The following MDM4 variants were observed in gnomAD, a reference collection of about 807,000 sequenced individuals.
MDM4 encodes the protein protein Mdm4.
Under a neutral mutation model 60.2 loss-of-function variants are expected in MDM4, and 2 were observed. The observed-to-expected ratio is 0.03, with a 90% CI of 0.01 to 0.10. MDM4 has a LOEUF of 0.10. Among genes scored for constraint, MDM4 ranks in the 10% least tolerant of loss-of-function variants. MDM4 has a pLI of 1.00. For missense variants in MDM4, 447 were observed against 577.5 expected (o/e 0.77, Z 2.32); for synonymous variants, 202 against 198.1 (o/e 1.02, Z -0.17).
chr1:204,540,928 A>C (rs988989882), intron 7 of MDM4, among the ~76,000 whole-genome samples: 5 of 152,180 alleles, frequency 3.3e-5, no homozygotes, highest in Non-Finnish European at 5.9e-5. Flanking sequence ...GTTATGTCTG[A>C]GAAACTTTGG....
At chr1:204,534,357 C>G (rs1256602021) in intron 5 of MDM4, among the ~76,000 whole-genome samples, 1 of 152,194 alleles carries the variant, frequency 6.6e-6, no homozygotes, top group Non-Finnish European at 1.5e-5. Flanking sequence ...AATTGCTGAT[C>G]TACTTTTTCA....
chr1:204,537,572 C>A, intron 6 of MDM4, 75 bp downstream of exon 6: 3 of 1,014,684 alleles, frequency 3.0e-6, no homozygotes, highest in South Asian at 1.3e-5. Context: ...CTTGGACTCC[C>A]AAGACCTTTC....
In MDM4 at chr1:204,550,684, T is replaced by C. The variant is rs1432898244; in HGVS notation, c.*1002T>C. 1 of 169,190 alleles carries C rather than the reference T, an allele frequency of 5.9e-6. No homozygotes were observed. The highest frequency in any genetic ancestry group is 2.7e-5 in the African/African-American group (1 of 36,920). The allele number at this position is 169,190 out of a possible 1,614,324, so 10.5% of individuals were successfully genotyped here. A position where few individuals can be genotyped will look rare whatever the true frequency, so the allele number is the denominator to read the frequency against. ...CCAGCCTCAGCTTCCCTCACAGGCA[T>C]TCACTATCACTCCCAGCTAATTAAA... is the stretch of plus-strand genomic sequence containing the variant. On this transcript the variant is annotated 3_prime_UTR_variant, in exon 11 of 11. Coordinates refer to ENST00000367182, the MANE Select transcript of MDM4 (RefSeq NM_002393.5).
Position 204,538,322 on chromosome 1 carries a change from T to G in MDM4, c.511+14T>G. The G allele has an allele frequency of 7.3e-7, 1 of 1,368,488 alleles. No individual in the cohort carries two copies. Among genetic ancestry groups the G allele is most frequent in the Non-Finnish European group, 1.0e-6 (1 of 959,604 alleles). 84.8% of individuals were successfully genotyped at this position (1,368,488 alleles called of 1,614,324 possible). On this transcript the variant is annotated intron_variant, in intron 7 of 10. Coordinates refer to ENST00000367182, the MANE Select transcript of MDM4 (RefSeq NM_002393.5). ...ATTCTAGAGAAGGTATGTTTTGGAT[T>G]AAGGCTATATAGACTTTTGTTCTCT...
chr1:204,533,683 C>T (rs1390871389), intron 5 of MDM4, among the ~76,000 whole-genome samples: 1 of 152,160 alleles, frequency 6.6e-6, no homozygotes, highest in Non-Finnish European at 1.5e-5. Context: ...TGATAGTTTA[C>T]TGAACTGTCT....
At position 204,551,120 on chromosome 1, in the gene MDM4, G is replaced by T; in HGVS notation, c.*1438G>T. 1 of 189,612 alleles carries T rather than the reference G, an allele frequency of 5.3e-6. No homozygotes were observed. The highest frequency in any genetic ancestry group is 1.1e-5 in the Non-Finnish European group (1 of 90,404). 11.7% of individuals were successfully genotyped at this position (189,612 alleles called of 1,614,324 possible). ...TGCACTGGCACAATCACAGTTCACT[G>T]CAGCCTCGACCTCCCAGATCCAAGC... On this transcript the variant is annotated 3_prime_UTR_variant, in exon 11 of 11. Coordinates refer to ENST00000367182, the MANE Select transcript of MDM4 (RefSeq NM_002393.5).
rs1572531519 is a variant in MDM4 at position 204,550,385 on chromosome 1, G to A, written c.*703G>A. ...TCACTATGTTGCCCAGGCTGGTCTC[G>A]AACTCCTGGGCTCAAACAATCCTCC... On this transcript the variant is annotated 3_prime_UTR_variant, in exon 11 of 11. Transcript: ENST00000367182. 1 of 209,994 alleles carries A rather than the reference G, an allele frequency of 4.8e-6. No individual in the cohort carries two copies. The highest frequency in any genetic ancestry group is 9.7e-6 in the Non-Finnish European group (1 of 103,416). The allele number at this position is 209,994 out of a possible 1,614,324, so 13.0% of individuals were successfully genotyped here.
chr1:204,528,522 T>C (rs981496480), intron 3 of MDM4, among the ~76,000 whole-genome samples: 1 of 152,168 alleles, frequency 6.6e-6, no homozygotes, highest in African/African-American at 2.4e-5. Context: ...CTCAGCTGAC[T>C]GGACACTAAC....
chr1:204,532,644 A>G (rs2102363052), intron 5 of MDM4: 1 of 887,848 alleles, frequency 1.1e-6, no homozygotes, highest in Non-Finnish European at 1.7e-6. Context: ...AATACCTTGT[A>G]TTTTTGTCTT....
At chr1:204,546,680 T>C in intron 9 of MDM4, 117 bp from the exon 10 acceptor site, 1 of 659,684 alleles carries the variant, frequency 1.5e-6, no homozygotes, top group East Asian at 2.8e-5. Context: ...CCTTAAGTGC[T>C]AGAGATGGGA....
At position 204,551,954 on chromosome 1, in the gene MDM4, C is replaced by CT. The variant is rs1012688691; in HGVS notation, c.*2273dup. Reference sequence around the variant, plus strand: ...TGTCTTGGACCACACATAAAATACACTAACACTAACAATAGCTGATGAGCT... The same window carrying CT: ...TGTCTTGGACCACACATAAAATACACTTAACACTAACAATAGCTGATGAGCT... On this transcript the variant is annotated 3_prime_UTR_variant, in exon 11 of 11. Transcript: ENST00000367182. 5.9e-6 allele frequency: 1 copy of CT among 170,288 alleles called. No individual in the cohort carries two copies. The highest frequency in any genetic ancestry group is 2.5e-5 in the African/African-American group (1 of 39,334). 10.5% of individuals were successfully genotyped at this position (170,288 alleles called of 1,614,324 possible).
chr1:204,525,033 T>C (rs1659978700), intron 1 of MDM4, among the ~76,000 whole-genome samples: 1 of 152,242 alleles, frequency 6.6e-6, no homozygotes, highest in African/African-American at 2.4e-5. Context: ...TAACTTTCTA[T>C]GGTCCTTTGT....
rs1418926249 is a variant in MDM4, at chr1:204,556,983, C to G, written c.*7301C>G. ...GTAGAGTTAAGTATTGAGTGCCAGTCTTGACGTCCGTATGCCTCAGTTTTT... is the reference window on the plus strand; with the variant it reads ...GTAGAGTTAAGTATTGAGTGCCAGTGTTGACGTCCGTATGCCTCAGTTTTT... On this transcript the variant is annotated 3_prime_UTR_variant, in exon 11 of 11. Transcript: ENST00000367182. 4.8e-6 allele frequency: 1 copy of G among 207,804 alleles called. No homozygotes were observed. The highest frequency in any genetic ancestry group is 2.3e-5 in the African/African-American group (1 of 43,856). The allele number at this position is 207,804 out of a possible 1,614,324, so 12.9% of individuals were successfully genotyped here.
chr1:204,539,540 T>G (rs1490362781), intron 7 of MDM4, among the ~76,000 whole-genome samples: 13 of 138,610 alleles, frequency 9.4e-5, no homozygotes, highest in African/African-American at 3.5e-4. Flanking sequence ...TTTTGTTTTG[T>G]TTTTTTTTTT....
At chr1:204,525,448 T>C (rs4252675) in intron 1 of MDM4, 36 bp from the exon 2 acceptor site, 87,279 of 1,541,588 alleles carry the variant, frequency 0.057, 2,921 homozygotes, top group South Asian at 0.1. Flanking sequence ...ATTTTCTGCA[T>C]TAGAATAGAT....
intron 1 of MDM4, among the ~76,000 whole-genome samples, chr1:204,518,504 A>G (rs957835250): frequency 2.0e-5 from 3 of 152,176 alleles, no homozygotes; most frequent in Non-Finnish European, 2.9e-5. Flanking sequence ...AGGTAGGTCT[A>G]GATTTGGATT....
Position 204,526,347 on chromosome 1 carries a change from A to G in MDM4, c.79-13A>G, listed in dbSNP as rs2102320930. On this transcript the variant is annotated splice_polypyrimidine_tract_variant and intron_variant, in intron 2 of 10. Transcript: ENST00000367182. ...GAAATGTAAATAGCACATTTATTTT[A>G]TGTTTATATCAGGTACGACCAAAAC... The G allele has an allele frequency of 1.2e-6, 2 of 1,606,630 alleles. No homozygotes were observed. Among genetic ancestry groups the G allele is most frequent in the Non-Finnish European group, 1.7e-6 (2 of 1,174,126 alleles).
intron 4 of MDM4, among the ~76,000 whole-genome samples, chr1:204,531,532 C>T (rs992208514): frequency 6.6e-6 from 1 of 152,162 alleles, no homozygotes; most frequent in African/African-American, 2.4e-5. Context: ...TTCTGTCTTA[C>T]ACTAAGACTT....
In MDM4 at chr1:204,550,754, G is replaced by C; in HGVS notation, c.*1072G>C. ...TCGTTATGTTGCCCAGGCTGGTCTC[G>C]AACTCCTGGGTTTAAGTGATTCCCC... On this transcript the variant is annotated 3_prime_UTR_variant, in exon 11 of 11. Coordinates refer to ENST00000367182, the MANE Select transcript of MDM4 (RefSeq NM_002393.5). The C allele has an allele frequency of 5.8e-6, 1 of 171,968 alleles. No homozygotes were observed. The highest frequency in any genetic ancestry group is 1.3e-5 in the Non-Finnish European group (1 of 79,840). The allele number at this position is 171,968 out of a possible 1,614,324, so 10.7% of individuals were successfully genotyped here.
Sources: gnomAD v4.1 joint callset for allele counts (sites outside exome capture counted in the v4.1 genomes callset) on GRCh38, gnomAD v4.1.1 for gene constraint, MANE v1.5 for transcripts, NCBI Gene and HGNC (gene_info 2026-07-23, HGNC 2026-07-21) for gene names.